Variants in CDH1 observed in about 807,000 individuals in gnomAD.
CDH1 encodes cadherin-1.
A neutral mutation model predicts 84.5 loss-of-function variants in CDH1; 35 were observed. The ratio of observed to expected loss-of-function variants is 0.41; its 90% CI spans 0.32 to 0.55. The LOEUF (loss-of-function observed/expected upper bound fraction) is 0.55. CDH1 is among the 20% of genes least tolerant of loss of function. CDH1 has a pLI of 0.19. For synonymous variants in CDH1, 417 were observed against 439.0 expected, an observed-to-expected ratio of 0.95 and a Z score of 0.63; for missense variants, 994 against 1,126.6, an observed-to-expected ratio of 0.88 and a Z score of 1.68.
chr16:68,777,534 CTTTTTTT>C (rs71148949), intron 2 of CDH1, among the ~76,000 whole-genome samples: 9 of 76,968 alleles, frequency 1.2e-4, no homozygotes, highest in Admixed American at 2.0e-4. Flanking sequence ...GTAATGTTTC[CTTTTTTT>C]TTTTTTTTTT....
intron 2 of CDH1, 42 bp from the exon 3 acceptor site, chr16:68,801,628 A>T (rs1370244756): frequency 2.0e-6 from 3 of 1,522,558 alleles, no homozygotes; most frequent in African/African-American, 1.4e-5. Flanking sequence ...TCTTGTCTTT[A>T]ATCTGTCCAA....
At chr16:68,813,234 G>C (rs1960886629) in intron 8 of CDH1, 79 bp from the exon 9 acceptor site, 1 of 1,397,322 alleles carries the variant, frequency 7.2e-7, no homozygotes, top group African/African-American at 1.4e-5. Flanking sequence ...CAAAAAAAGA[G>C]GAATCCTTTA....
chr16:68,737,492 A>T (rs1392627130), intron 1 of CDH1, 29 bp downstream of exon 1: 6 of 1,520,944 alleles, frequency 3.9e-6, no homozygotes, highest in Non-Finnish European at 5.3e-6. Context: ...CTTGCGAGGG[A>T]CGCATTCGGG....
intron 12 of CDH1, chr16:68,822,646 C>A: frequency 2.5e-6 from 1 of 399,848 alleles, no homozygotes; most frequent in South Asian, 2.1e-5. Flanking sequence ...ACTGCCTGGT[C>A]AATTTGCATA....
intron 2 of CDH1, among the ~76,000 whole-genome samples, chr16:68,746,897 G>C (rs1245743611): frequency 6.6e-6 from 1 of 151,686 alleles, no homozygotes; most frequent in African/African-American, 2.4e-5. Flanking sequence ...TGCAATGAGC[G>C]GAGATTGTGC....
chr16:68,780,301 T>TTAC (rs1567491596), intron 2 of CDH1, among the ~76,000 whole-genome samples: 9 of 151,920 alleles, frequency 5.9e-5, no homozygotes, highest in Non-Finnish European at 1.2e-4. Context: ...TATTTTATTA[T>TTAC]TTTTTGTTTA....
Position 68,828,163 on chromosome 16 carries a change from C to T in CDH1, c.2165-11C>T, listed in dbSNP as rs766659597. On this transcript the variant is annotated splice_polypyrimidine_tract_variant and intron_variant, in intron 13 of 15. Coordinates refer to ENST00000261769, the MANE Select transcript of CDH1 (RefSeq NM_004360.5). Reference sequence around the variant, plus strand: ...CTCTCAACACTTGCTCTGTCTCCCCCACCATCCCAGTTCTGATTCTGCTGC... The same window carrying T: ...CTCTCAACACTTGCTCTGTCTCCCCTACCATCCCAGTTCTGATTCTGCTGC... 6.2e-7 allele frequency: 1 copy of T among 1,613,660 alleles called. No individual in the cohort carries two copies.
chr16:68,746,594 G>A (rs1173593590), intron 2 of CDH1, among the ~76,000 whole-genome samples: 4 of 152,314 alleles, frequency 2.6e-5, no homozygotes, highest in African/African-American at 9.6e-5. Context: ...CCTTGATCAG[G>A]GAGGGATAGG....
At chr16:68,780,409 C>G (rs1959842750) in intron 2 of CDH1, among the ~76,000 whole-genome samples, 1 of 152,020 alleles carries the variant, frequency 6.6e-6, no homozygotes, top group African/African-American at 2.4e-5. Context: ...TCAAGTGATT[C>G]TCTCCTGCCT....
At chr16:68,818,315 A>C (rs1378986341) in intron 10 of CDH1, among the ~76,000 whole-genome samples, 6 of 151,988 alleles carry the variant, frequency 3.9e-5, no homozygotes, top group African/African-American at 1.4e-4. Context: ...TGTTCTTAGG[A>C]GATAACACAT....
chr16:68,751,604 G>A (rs1962884502), intron 2 of CDH1, among the ~76,000 whole-genome samples: 1 of 152,038 alleles, frequency 6.6e-6, no homozygotes, highest in Non-Finnish European at 1.5e-5. Context: ...CTGGGTTCAA[G>A]CAGTTCTCCT....
intron 13 of CDH1, among the ~76,000 whole-genome samples, chr16:68,825,554 C>T (rs183556623): frequency 2.1e-4 from 32 of 152,294 alleles, no homozygotes; most frequent in African/African-American, 7.0e-4. Flanking sequence ...TTGCTTCTGC[C>T]CCCTCCTGGT....
Position 68,833,675 on chromosome 16 carries a change from T to G in CDH1, c.*176T>G, listed in dbSNP as rs919926200. The G allele has an allele frequency of 4.8e-6, 3 of 626,012 alleles. No individual in the cohort carries two copies. In the East Asian group the frequency reaches 8.2e-5, roughly 17 times the overall value. The allele number at this position is 626,012 out of a possible 1,614,324, so 38.8% of individuals were successfully genotyped here. A position where few individuals can be genotyped will look rare whatever the true frequency, so the allele number is the denominator to read the frequency against. On this transcript the variant is annotated 3_prime_UTR_variant, in exon 16 of 16. Transcript: ENST00000261769. ...CTCCACTTTATAGCTCTAATAAGTT[T>G]GTGTTAGAAAAGTTTCGACTTATTT...
chr16:68,752,305 T>C (rs1962907452), intron 2 of CDH1, among the ~76,000 whole-genome samples: 1 of 152,248 alleles, frequency 6.6e-6, no homozygotes, highest in South Asian at 2.1e-4. Flanking sequence ...CCACCTCTTT[T>C]ACTTAATTTT....
intron 2 of CDH1, among the ~76,000 whole-genome samples, chr16:68,755,380 C>G (rs569319295): frequency 2.9e-4 from 44 of 150,228 alleles, no homozygotes; most frequent in African/African-American, 1.1e-3. Flanking sequence ...AAAGACTGTT[C>G]TCTAGTCAGG....
chr16:68,737,368 A>G lies in CDH1; in HGVS notation c.-48A>G, dbSNP rs1962419483. ...CTCCAGCCCGCTCCAGCCCGGCCCGACCCGACCGCACCCGGCGCCTGCCCT... is the reference window on the plus strand; with the variant it reads ...CTCCAGCCCGCTCCAGCCCGGCCCGGCCCGACCGCACCCGGCGCCTGCCCT... On this transcript the variant is annotated 5_prime_UTR_variant, in exon 1 of 16. Transcript: ENST00000261769. 6.6e-7 allele frequency: 1 copy of G among 1,505,932 alleles called. No homozygotes were observed. The highest frequency in any genetic ancestry group is 8.9e-7 in the Non-Finnish European group (1 of 1,125,190). The allele number at this position is 1,505,932 out of a possible 1,614,324, so 93.3% of individuals were successfully genotyped here. A position where few individuals can be genotyped will look rare whatever the true frequency, so the allele number is the denominator to read the frequency against.
At chr16:68,833,230 C>T (rs2152143740) in intron 15 of CDH1, 60 bp from the exon 16 acceptor site, 1 of 1,459,546 alleles carries the variant, frequency 6.9e-7, no homozygotes, top group Non-Finnish European at 9.6e-7. Context: ...GACTTCTTGC[C>T]CCAGATGACA....
Position 68,749,415 on chromosome 16 carries a change from T to C in CDH1, c.163+11004T>C, listed in dbSNP as rs983574278. On this transcript the variant is annotated intron_variant, in intron 2 of 15. Transcript: ENST00000261769. ...AGTTTAAAGAAGGATTTGTATAGGA[T>C]AGTGATCTTTTTTCCTTAATCTTGT... is the stretch of plus-strand genomic sequence containing the variant. Among the ~76,000 whole-genome samples the C allele has an allele frequency of 1.3e-5, 2 of 152,208 alleles. 1 individual carries two copies. Among genetic ancestry groups the C allele is most frequent in the South Asian group, 4.1e-4 (2 of 4,830 alleles).
At chr16:68,742,310 C>G (rs1447817316) in intron 2 of CDH1, among the ~76,000 whole-genome samples, 1 of 149,852 alleles carries the variant, frequency 6.7e-6, no homozygotes, top group Admixed American at 6.6e-5. Flanking sequence ...GACGGAGTCT[C>G]GCTCTGTTGC....
Sources: gnomAD v4.1 joint callset for allele counts (sites outside exome capture counted in the v4.1 genomes callset) on GRCh38, gnomAD v4.1.1 for gene constraint, MANE v1.5 for transcripts, NCBI Gene and HGNC (gene_info 2026-07-23, HGNC 2026-07-21) for gene names.